The following LDLRAD4 variants were observed in gnomAD, a reference collection of about 807,000 sequenced individuals.
LDLRAD4 encodes the protein low-density lipoprotein receptor class A domain-containing protein 4.
In LDLRAD4, 5 loss-of-function variants were observed where a neutral mutation model predicts 17.0. That is an observed-to-expected ratio of 0.29 (90% CI 0.15 to 0.62). The LOEUF (loss-of-function observed/expected upper bound fraction) is 0.62, where lower values mean the gene tolerates loss of function less well. Ranked by LOEUF, LDLRAD4 falls within the 20% of genes least tolerant of loss-of-function variation. The pLI is 0.84. For synonymous variants in LDLRAD4, 168 were observed against 171.8 expected (o/e 0.98, Z 0.17); for missense variants, 340 against 424.7 (o/e 0.80, Z 1.75).
At chr18:13,588,692 T>C (rs2094967349) in intron 3 of LDLRAD4, among the ~76,000 whole-genome samples, 1 of 152,184 alleles carries the variant, frequency 6.6e-6, no homozygotes, top group African/African-American at 2.4e-5. Flanking sequence ...AAACACTTTT[T>C]GGCCTCTGTG....
intron 3 of LDLRAD4, among the ~76,000 whole-genome samples, chr18:13,554,288 A>G (rs955738039): frequency 3.3e-5 from 5 of 152,250 alleles, no homozygotes; most frequent in African/African-American, 9.6e-5. Context: ...TTATGGCCAA[A>G]GTCCAAAGTT....
At chr18:13,606,559 C>T (rs1281991095) in intron 3 of LDLRAD4, among the ~76,000 whole-genome samples, 1 of 152,194 alleles carries the variant, frequency 6.6e-6, no homozygotes, top group East Asian at 1.9e-4. Context: ...TGCGTTTCTA[C>T]ATAAAGCTGT....
At position 13,565,570 on chromosome 18, in the gene LDLRAD4, G is replaced by A. The variant is rs560945454; in HGVS notation, c.182-55547G>A. Among the ~76,000 whole-genome samples, 106 of 152,358 alleles carry A rather than the reference G, an allele frequency of 7.0e-4. 1 individual carries two copies. In the South Asian group the frequency reaches 9.5e-3, roughly 14 times the overall value. Reference sequence around the variant, plus strand: ...CTGGACCGTCCTGGCGCTTGTCTTGGGCTGTGGAACGAGCCAGCCCAGCTG... The same window carrying A: ...CTGGACCGTCCTGGCGCTTGTCTTGAGCTGTGGAACGAGCCAGCCCAGCTG... On this transcript the variant is annotated intron_variant, in intron 3 of 5. Transcript: ENST00000359446.
At chr18:13,549,758 T>TA (rs1568328159) in intron 3 of LDLRAD4, among the ~76,000 whole-genome samples, 1 of 152,104 alleles carries the variant, frequency 6.6e-6, no homozygotes, top group Non-Finnish European at 1.5e-5. Flanking sequence ...AGCCTTATTT[T>TA]AGTCTGTCCA....
chr18:13,283,433 C>A (rs918826693), intron 1 of LDLRAD4, among the ~76,000 whole-genome samples: 1 of 152,214 alleles, frequency 6.6e-6, no homozygotes, highest in African/African-American at 2.4e-5. Context: ...TAAATCATCT[C>A]TTTCAAGTTC....
intron 3 of LDLRAD4, among the ~76,000 whole-genome samples, chr18:13,529,808 CCA>C (rs1259036742): frequency 6.6e-6 from 1 of 152,224 alleles, no homozygotes; most frequent in African/African-American, 2.4e-5. Context: ...CATAGGCTGT[CCA>C]CAGAGTGTGT....
chr18:13,540,415 A>AT (rs776770191), intron 3 of LDLRAD4, among the ~76,000 whole-genome samples: 1 of 152,006 alleles, frequency 6.6e-6, no homozygotes, highest in Non-Finnish European at 1.5e-5. Context: ...TGGGACTCAT[A>AT]TTTTTTTTCT....
At position 13,367,398 on chromosome 18, in the gene LDLRAD4, C is replaced by T. The variant is rs893072961; in HGVS notation, c.-382-19943C>T. Among the ~76,000 whole-genome samples the T allele has an allele frequency of 2.6e-5, 4 of 151,804 alleles. No homozygotes were observed. Among genetic ancestry groups the T allele is most frequent in the Admixed American group, 2.0e-4 (3 of 15,236 alleles). ...GGGGACTGGCAGGCAGGAAAGGGGG[C>T]GAGGGGGTCTCAGGCATTGAACTGC... is the stretch of plus-strand genomic sequence containing the variant. On this transcript the variant is annotated intron_variant, in intron 1 of 5. Coordinates refer to ENST00000359446, the Ensembl canonical transcript of LDLRAD4. This position sits in a 1 kb window ranked among gnomAD's most constrained non-coding sequence, Gnocchi z 4.1.
At chr18:13,321,140 T>A (rs532920270) in intron 1 of LDLRAD4, among the ~76,000 whole-genome samples, 2 of 152,138 alleles carry the variant, frequency 1.3e-5, no homozygotes, top group Non-Finnish European at 2.9e-5. Context: ...TCCGAGAGAC[T>A]GGCTCCCTGG....
At chr18:13,339,801 T>G (rs1053933756) in intron 1 of LDLRAD4, among the ~76,000 whole-genome samples, 1 of 152,204 alleles carries the variant, frequency 6.6e-6, no homozygotes, top group African/African-American at 2.4e-5. Context: ...ACATTAAAAT[T>G]GACAGTTTTA....
exon 6 of LDLRAD4, chr18:13,649,339 G>T (rs957599735): frequency 1.3e-5 from 2 of 152,238 alleles, no homozygotes; most frequent in African/African-American, 4.8e-5. Flanking sequence ...TGACCTAGAA[G>T]AATCCATCCA....
intron 1 of LDLRAD4, among the ~76,000 whole-genome samples, chr18:13,292,990 G>A (rs142691628): frequency 3.9e-4 from 59 of 152,344 alleles, no homozygotes; most frequent in African/African-American, 1.3e-3. Context: ...GGAGGCAGGC[G>A]AGCTTTGGTT....
intron 2 of LDLRAD4, among the ~76,000 whole-genome samples, chr18:13,415,111 C>T (rs1190145820): frequency 6.6e-6 from 1 of 152,162 alleles, no homozygotes; most frequent in Non-Finnish European, 1.5e-5. Context: ...GTAATCTCAG[C>T]TACTCTGGGA....
In LDLRAD4 at chr18:13,315,281, G is replaced by A. The variant is rs537856122; in HGVS notation, c.-383+37093G>A. 2.0e-5 allele frequency among the ~76,000 whole-genome samples: 3 copies of A among 152,158 alleles called. No individual in the cohort carries two copies. In the South Asian group the frequency reaches 6.2e-4, roughly 32 times the overall value. Reference sequence around the variant, plus strand: ...CTGAAGGATGATAACATTGGCCAGGGCCTCCAGTTCTCCTGTTAGTTTGTA... The same window carrying A: ...CTGAAGGATGATAACATTGGCCAGGACCTCCAGTTCTCCTGTTAGTTTGTA... On this transcript the variant is annotated intron_variant, in intron 1 of 5. Coordinates refer to ENST00000359446, the Ensembl canonical transcript of LDLRAD4.
chr18:13,496,632 A>G (rs1254864720), intron 3 of LDLRAD4, among the ~76,000 whole-genome samples: 1 of 152,118 alleles, frequency 6.6e-6, no homozygotes, highest in Admixed American at 6.5e-5. Context: ...ACGTCATTTG[A>G]TGTTTTCCGA....
chr18:13,437,071 C>G (rs1025051367), intron 2 of LDLRAD4, among the ~76,000 whole-genome samples: 2 of 152,266 alleles, frequency 1.3e-5, no homozygotes, highest in Admixed American at 6.5e-5. Context: ...TAGCCCCACA[C>G]ATGGTTAGCA....
exon 3 of LDLRAD4, chr18:13,438,329 T>C (rs1188168174): frequency 6.2e-7 from 1 of 1,614,032 alleles, no homozygotes; most frequent in South Asian, 1.1e-5. Context: ...GGGACAACAG[T>C]GACGAAGAGA....
intron 3 of LDLRAD4, among the ~76,000 whole-genome samples, chr18:13,482,406 GCTGA>G (rs2093114233): frequency 6.6e-6 from 1 of 152,238 alleles, no homozygotes; most frequent in Non-Finnish European, 1.5e-5. Context: ...CTTCCCCACA[GCTGA>G]CTCCCATGAG....
chr18:13,297,329 G>T (rs1314783549), intron 1 of LDLRAD4, among the ~76,000 whole-genome samples: 1 of 152,130 alleles, frequency 6.6e-6, no homozygotes, highest in Non-Finnish European at 1.5e-5. Context: ...GAGTCACATG[G>T]CCCTTTCTCT....
Sources: gnomAD v4.1 joint callset for allele counts (sites outside exome capture counted in the v4.1 genomes callset) on GRCh38, gnomAD v4.1.1 for gene constraint, Gnocchi (gnomAD v3.1) non-coding constraint, MANE v1.5 for transcripts, NCBI Gene and HGNC (gene_info 2026-07-23, HGNC 2026-07-21) for gene names.